The following CAPN10 variants were observed in gnomAD, a reference collection of about 807,000 sequenced individuals.
CAPN10 encodes calpain 10, also known as calpain-10.
Under a neutral mutation model 78.4 loss-of-function variants are expected in CAPN10, and 71 were observed. The observed-to-expected ratio is 0.91, with a 90% confidence interval of 0.75 to 1.10. The LOEUF is 1.10. Ranked by LOEUF, CAPN10 falls within the 50% of genes least tolerant of loss-of-function variation. The probability of loss-of-function intolerance (pLI) is 0.00; values close to 1 mark genes in which losing one functional copy is unlikely to be tolerated. For synonymous variants in CAPN10, 437 were observed against 407.2 expected (o/e 1.07, Z -0.88); for missense variants, 849 against 924.6 (o/e 0.92, Z 1.06).
intron 10 of CAPN10, 27 bp downstream of exon 10, chr2:240,598,114 C>T: frequency 6.3e-7 from 1 of 1,586,024 alleles, no homozygotes; most frequent in Non-Finnish European, 8.6e-7. Context: ...TGGGGGCGGC[C>T]AGCTGGAGGC....
intron 4 of CAPN10, 53 bp downstream of exon 4, chr2:240,592,203 C>T (rs2125460307): frequency 1.4e-6 from 2 of 1,431,566 alleles, no homozygotes; most frequent in Non-Finnish European, 9.6e-7. Context: ...CCCCCACTGC[C>T]AGGCCTCAGG....
intron 5 of CAPN10, 44 bp downstream of exon 5, chr2:240,594,091 C>T (rs1196756246): frequency 2.0e-6 from 3 of 1,525,366 alleles, no homozygotes; most frequent in South Asian, 1.2e-5. Flanking sequence ...GGAGGGGGGC[C>T]CAGTGCCAGT....
In CAPN10 at chr2:240,596,709, A is replaced by T. The variant is rs7607759; in HGVS notation, c.1510A>T (p.Thr504Ser). The change falls in exon 9 of 12, where the codon ACC (threonine) becomes TCC (serine). Residue 504 changes from threonine to serine, a missense_variant. Coordinates refer to ENST00000391984, the MANE Select transcript of CAPN10 (RefSeq NM_023083.4). The stretch of plus-strand genomic sequence containing the variant: ...CATCAGGGCAGTGGCCAAGAACACC[A>T]CCCCCGGGGCAGCCCTGCCTGCGGG... ...SAIRAVAKNT[T>S]PGAALPAGEW... 1 of 1,563,286 alleles carries T rather than the reference A, an allele frequency of 6.4e-7. No homozygotes were observed. The highest frequency in any genetic ancestry group is 8.7e-7 in the Non-Finnish European group (1 of 1,153,918).
Position 240,598,370 on chromosome 2 carries a change from G to C in CAPN10, c.1962G>C (p.Gln654His), listed in dbSNP as rs773087029. The C allele has an allele frequency of 1.9e-6, 3 of 1,613,850 alleles. No homozygotes were observed. The highest frequency in any genetic ancestry group is 2.5e-6 in the Non-Finnish European group (3 of 1,179,996). ...TCCACAGGCCATCCATTCACAGCCA[G>C]GAGATGCTGGGCCAGTTCCTCCAAG... is the stretch of plus-strand genomic sequence containing the variant. ...TRIDRPSIHSQEMLGQFLQEV... is the reference protein window; with the variant it reads ...TRIDRPSIHSHEMLGQFLQEV... The change falls in exon 11 of 12, where the codon CAG becomes CAC. Residue 654 changes from glutamine to histidine, a missense_variant. Transcript: ENST00000391984.
intron 3 of CAPN10, chr2:240,591,675 C>G (rs72561768): frequency 1.9e-4 from 107 of 551,080 alleles, no homozygotes; most frequent in Non-Finnish European, 3.0e-4. Flanking sequence ...CTGCCCTGCT[C>G]CTGTGCCCAC....
At chr2:240,589,158 G>C (rs1303613239) in intron 1 of CAPN10, among the ~76,000 whole-genome samples, 185 bp from the exon 2 acceptor site, 1 of 152,214 alleles carries the variant, frequency 6.6e-6, no homozygotes, top group African/African-American at 2.4e-5. Flanking sequence ...AAGCTGGACA[G>C]AGGCATTTGA....
chr2:240,595,868 G>A (rs2093133341), intron 7 of CAPN10: 2 of 1,143,520 alleles, frequency 1.7e-6, no homozygotes, highest in Non-Finnish European at 1.2e-6. Flanking sequence ...AAGGGCCTGA[G>A]TGTGGGTCGA....
At chr2:240,594,384 G>A in intron 5 of CAPN10, 159 bp from the exon 6 acceptor site, 2 of 753,358 alleles carry the variant, frequency 2.7e-6, no homozygotes, top group Non-Finnish European at 4.4e-6. Flanking sequence ...GTGCTGCAGA[G>A]CTGCTTCGGG....
chr2:240,598,900 C>T lies in CAPN10; in HGVS notation c.*220C>T. On this transcript the variant is annotated 3_prime_UTR_variant, in exon 12 of 12. Coordinates refer to ENST00000391984, the MANE Select transcript of CAPN10 (RefSeq NM_023083.4). ...TGGTGCTGCAAGGAAGGGTGGGAAGCTTGCTGGCTTCTGTTGCGCCACTGA... is the reference window on the plus strand; with the variant it reads ...TGGTGCTGCAAGGAAGGGTGGGAAGTTTGCTGGCTTCTGTTGCGCCACTGA... 1 of 592,134 alleles carries T rather than the reference C, an allele frequency of 1.7e-6. No homozygotes were observed. Among genetic ancestry groups the T allele is most frequent in the Non-Finnish European group, 3.1e-6 (1 of 325,776 alleles). The allele number at this position is 592,134 out of a possible 1,614,324, so 36.7% of individuals were successfully genotyped here. A position where few individuals can be genotyped will look rare whatever the true frequency, so the allele number is the denominator to read the frequency against.
chr2:240,591,818 A>C, intron 3 of CAPN10, 115 bp from the exon 4 acceptor site: 2 of 841,356 alleles, frequency 2.4e-6, no homozygotes, highest in Non-Finnish European at 1.9e-6. Context: ...AGGGGAGTAA[A>C]GAGGTGGGAT....
intron 9 of CAPN10, 107 bp downstream of exon 9, chr2:240,597,049 G>A (rs922841747): frequency 1.2e-5 from 17 of 1,396,270 alleles, no homozygotes; most frequent in Middle Eastern, 3.8e-4. Flanking sequence ...AGTCACTTGG[G>A]CTCCCCCTGC....
rs891674883 is a variant in CAPN10, at chr2:240,590,670, G to A, written c.274-145G>A. ...CCAGGTGTGCCGTAGAGTTCTCTGCGACATCCAGGTGTGCGTTAGAGTTCT... is the reference window on the plus strand; with the variant it reads ...CCAGGTGTGCCGTAGAGTTCTCTGCAACATCCAGGTGTGCGTTAGAGTTCT... On this transcript the variant is annotated intron_variant, in intron 2 of 11. Coordinates refer to ENST00000391984, the MANE Select transcript of CAPN10 (RefSeq NM_023083.4). 1.9e-5 allele frequency: 12 copies of A among 629,062 alleles called. No individual in the cohort carries two copies. In the East Asian group the frequency reaches 1.9e-4, roughly 10 times the overall value. The allele number at this position is 629,062 out of a possible 1,614,324, so 39.0% of individuals were successfully genotyped here.
Position 240,594,542 on chromosome 2 carries a change from G to A in CAPN10, c.831-1G>A. 5 of 1,611,746 alleles carry A rather than the reference G, an allele frequency of 3.1e-6. No individual in the cohort carries two copies. The highest frequency in any genetic ancestry group is 4.2e-6 in the Non-Finnish European group (5 of 1,178,622). Reference sequence around the variant, plus strand: ...TTCTGCTGAGATGAGGTTTCTTCCAGGGGTGAAGGGTGGAGCCAGGTAGAT... The same window carrying A: ...TTCTGCTGAGATGAGGTTTCTTCCAAGGGTGAAGGGTGGAGCCAGGTAGAT... On this transcript the variant is annotated splice_acceptor_variant, in intron 5 of 11. Transcript: ENST00000391984. LOFTEE classifies it high-confidence loss of function.
rs1263860209 is a variant in CAPN10, at chr2:240,599,009, GAGGGT to G, written c.*334_*338del. On this transcript the variant is annotated 3_prime_UTR_variant, in exon 12 of 12. Transcript: ENST00000391984. Reference sequence around the variant, plus strand: ...ACTCCATATGGAGGCCTCACACCCAGAGGGTAGGGCAGCAGATCTTCTTTATAACT... The same window carrying G: ...ACTCCATATGGAGGCCTCACACCCAGAGGGCAGCAGATCTTCTTTATAACT... The G allele has an allele frequency of 2.1e-6, 1 of 465,640 alleles. No individual in the cohort carries two copies. The highest frequency in any genetic ancestry group is 1.9e-5 in the African/African-American group (1 of 52,130). 28.8% of individuals were successfully genotyped at this position (465,640 alleles called of 1,614,324 possible). A position where few individuals can be genotyped will look rare whatever the true frequency, so the allele number is the denominator to read the frequency against.
At position 240,595,162 on chromosome 2, in the gene CAPN10, T is replaced by C; in HGVS notation, c.1136T>C (p.Ile379Thr). ...GTCTCAGAACCGAGTGAGGTGTACA[T>C]TGCCGTCCTGCAGAGATCCAGGCTG... is the stretch of plus-strand genomic sequence containing the variant. ...LRVSEPSEVY[I>T]AVLQRSRLHA... Residue 379 changes from isoleucine (I) to threonine (T), a missense_variant, in exon 7 of 12, where the codon ATT becomes ACT. By Grantham distance (89) the Ile-to-Thr change is moderately conservative (BLOSUM62 -1). Transcript: ENST00000391984. 2 of 1,613,834 alleles carry C rather than the reference T, an allele frequency of 1.2e-6. No individual in the cohort carries two copies. The highest frequency in any genetic ancestry group is 1.1e-5 in the South Asian group (1 of 91,080).
At chr2:240,594,969 G>A (rs995000484) in intron 6 of CAPN10, 55 bp from the exon 7 acceptor site, 15 of 1,583,650 alleles carry the variant, frequency 9.5e-6, no homozygotes, top group African/African-American at 4.0e-5. Flanking sequence ...CCACCATGGC[G>A]GGAGGCCAGC....
intron 7 of CAPN10, chr2:240,595,857 A>G (rs961574140): frequency 2.8e-6 from 3 of 1,060,100 alleles, no homozygotes; most frequent in African/African-American, 1.6e-5. Flanking sequence ...GCCTGAGGGC[A>G]AAGGGCCTGA....
rs765727689 is a variant in CAPN10 at position 240,596,874 on chromosome 2, A to G, written c.1675A>G (p.Ile559Val). The change falls in exon 9 of 12, where the codon ATC becomes GTC. Residue 559 changes from isoleucine (I) to valine (V), a missense_variant. Ile to Val is a conservative substitution (Grantham distance 29). Coordinates refer to ENST00000391984, the MANE Select transcript of CAPN10 (RefSeq NM_023083.4). ...PEGPGPRCVR[I>V]TLHQHCRPSD... is the part of the protein sequence containing the mutation. ...GGGCCCTGGCCCCCGCTGCGTCCGCATCACTCTGCATCAGCACTGCCGGCC... is the reference window on the plus strand; with the variant it reads ...GGGCCCTGGCCCCCGCTGCGTCCGCGTCACTCTGCATCAGCACTGCCGGCC... The G allele has an allele frequency of 5.6e-6, 9 of 1,613,330 alleles. No homozygotes were observed. Among genetic ancestry groups the G allele is most frequent in the Middle Eastern group, 3.3e-4 (2 of 6,084 alleles).
rs1473867213 is a variant in CAPN10, at chr2:240,586,919, C to T, written c.8C>T (p.Ala3Val). Reference protein sequence around the residue: MRAGRGATPAREL... With the variant: MRVGRGATPAREL... The stretch of plus-strand genomic sequence containing the variant: ...GAGCCCGCGGAGCCGAGGATGCGGG[C>T]GGGCCGGGGCGCGACGCCGGCGAGG... Residue 3 changes from alanine (A) to valine (V), a missense_variant, in exon 1 of 12, where the codon GCG (alanine) becomes GTG (valine). Ala to Val is a moderately conservative substitution (Grantham distance 64). Transcript: ENST00000391984. 6.3e-6 allele frequency: 9 copies of T among 1,428,744 alleles called. No individual in the cohort carries two copies. In the East Asian group the frequency reaches 2.1e-4, roughly 34 times the overall value. The allele number at this position is 1,428,744 out of a possible 1,614,324, so 88.5% of individuals were successfully genotyped here.
Sources: gnomAD v4.1 joint callset for allele counts (sites outside exome capture counted in the v4.1 genomes callset) on GRCh38, gnomAD v4.1.1 for gene constraint, MANE v1.5 for transcripts, NCBI Gene and HGNC (gene_info 2026-07-23, HGNC 2026-07-21) for gene names.